PODXL2: variants seen among roughly 807,000 people sequenced by gnomAD.
The protein encoded by PODXL2 is podocalyxin-like protein 2.
PODXL2 carries 17 observed loss-of-function variants against 53.4 expected under a neutral mutation model. The observed-to-expected ratio is 0.32, with a 90% CI of 0.22 to 0.48. The LOEUF is 0.48. PODXL2 is among the 20% of genes least tolerant of loss of function. The pLI is 0.99. For synonymous variants in PODXL2, 311 were observed against 306.7 expected (o/e 1.01, Z -0.15); for missense variants, 673 against 760.0 (o/e 0.89, Z 1.35).
intron 1 of PODXL2, among the ~76,000 whole-genome samples, chr3:127,631,928 C>T (rs529006075): frequency 1.3e-5 from 2 of 152,250 alleles, no homozygotes; most frequent in African/African-American, 2.4e-5. Context: ...GTAGGGTTTT[C>T]AAAATCTTTG....
chr3:127,640,023 G>GAGGCATTCTA (rs2107704725), intron 2 of PODXL2, among the ~76,000 whole-genome samples: 1 of 152,306 alleles, frequency 6.6e-6, no homozygotes, highest in South Asian at 2.1e-4. Context: ...ACCAGCAATT[G>GAGGCATTCTA]AGGCATTCTA....
At chr3:127,636,683 C>T (rs1277805306) in intron 1 of PODXL2, among the ~76,000 whole-genome samples, 3 of 152,200 alleles carry the variant, frequency 2.0e-5, no homozygotes, top group South Asian at 2.1e-4. Flanking sequence ...GAAGACATTC[C>T]GGATGGGGTG....
chr3:127,661,755 C>T (rs1477580853), intron 3 of PODXL2, among the ~76,000 whole-genome samples: 1 of 152,012 alleles, frequency 6.6e-6, no homozygotes, highest in African/African-American at 2.4e-5. Flanking sequence ...GACTTCTGCA[C>T]TGATTCTACC....
chr3:127,647,576 G>GGGGTCCAGGAACAGGCTTCC (rs2074664174), intron 2 of PODXL2, among the ~76,000 whole-genome samples: 1 of 152,232 alleles, frequency 6.6e-6, no homozygotes, highest in Non-Finnish European at 1.5e-5. Context: ...CTGAAGAACG[G>GGGGTCCAGGAACAGGCTTCC]GGGTCCAGGA....
At position 127,660,925 on chromosome 3, in the gene PODXL2, G is replaced by C; in HGVS notation, c.897G>C (p.Gln299His). 6.2e-7 allele frequency: 1 copy of C among 1,614,256 alleles called. No homozygotes were observed. Among genetic ancestry groups the C allele is most frequent in the African/African-American group, 1.3e-5 (1 of 75,062 alleles). ...ATAGAAGLSGQHEEVPALPSF... is the reference protein window; with the variant it reads ...ATAGAAGLSGHHEEVPALPSF... ...CAGGAGCAGCTGGTTTGTCTGGCCA[G>C]CACGAGGAGGTGCCGGCCTTGCCTT... Residue 299 changes from glutamine (Q) to histidine (H), a missense_variant, in exon 3 of 8, where the codon CAG becomes CAC. Around this residue, in one of 3 missense-constraint regions of PODXL2, gnomAD observed 588 missense variants for 668.3 expected, o/e 0.88. Coordinates refer to ENST00000342480, the MANE Select transcript of PODXL2 (RefSeq NM_015720.4).
chr3:127,651,080 CA>C (rs1300762966), intron 2 of PODXL2, among the ~76,000 whole-genome samples: 1 of 152,174 alleles, frequency 6.6e-6, no homozygotes, highest in East Asian at 1.9e-4. Context: ...GCCTGACCAA[CA>C]TGGTGAAACC....
At chr3:127,631,849 T>C (rs2074548784) in intron 1 of PODXL2, among the ~76,000 whole-genome samples, 1 of 152,196 alleles carries the variant, frequency 6.6e-6, no homozygotes. Context: ...AAAATAACTT[T>C]AAGAAAATGA....
rs187294175 is a variant in PODXL2 at position 127,654,222 on chromosome 3, G to A, written c.350-6156G>A. 1.6e-4 allele frequency among the ~76,000 whole-genome samples: 25 copies of A among 152,298 alleles called. No individual in the cohort carries two copies. In the East Asian group the frequency reaches 2.5e-3, roughly 15 times the overall value. ...CTTGACATTGTTGGAGTGCAGGCCAGTTATTTTGTAGATTGCCCCTCAATT... is the reference window on the plus strand; with the variant it reads ...CTTGACATTGTTGGAGTGCAGGCCAATTATTTTGTAGATTGCCCCTCAATT... On this transcript the variant is annotated intron_variant, in intron 2 of 7. Coordinates refer to ENST00000342480, the MANE Select transcript of PODXL2 (RefSeq NM_015720.4).
intron 1 of PODXL2, among the ~76,000 whole-genome samples, chr3:127,638,745 CTA>C (rs1263125316): frequency 6.6e-6 from 1 of 152,094 alleles, no homozygotes; most frequent in African/African-American, 2.4e-5. Flanking sequence ...AAACTAAAGA[CTA>C]TGTTCAGGAT....
chr3:127,653,552 A>G (rs1285698502), intron 2 of PODXL2, among the ~76,000 whole-genome samples: 2 of 152,128 alleles, frequency 1.3e-5, no homozygotes, highest in Admixed American at 1.3e-4. Context: ...AGGCTGAGGC[A>G]GGAGAATTGC....
intron 4 of PODXL2, among the ~76,000 whole-genome samples, chr3:127,667,659 A>G (rs782430): frequency 0.81 from 122,816 of 152,244 alleles, 50,202 homozygotes; most frequent in African/African-American, 0.95. Flanking sequence ...CCAGGCTCTT[A>G]TTTTTGTTTT....
intron 4 of PODXL2, among the ~76,000 whole-genome samples, chr3:127,662,720 C>T (rs892672173): frequency 1.3e-5 from 2 of 152,128 alleles, no homozygotes; most frequent in Non-Finnish European, 2.9e-5. Context: ...CTCTCTCTAT[C>T]GAAAAAGTGG....
intron 2 of PODXL2, among the ~76,000 whole-genome samples, chr3:127,658,703 T>C (rs1263585153): frequency 1.3e-5 from 2 of 152,176 alleles, no homozygotes; most frequent in African/African-American, 2.4e-5. Context: ...CTGAGAGCTG[T>C]TAAGATTTTC....
chr3:127,672,269 C>T lies in PODXL2; in HGVS notation c.1607C>T (p.Ser536Leu). 1 of 1,543,304 alleles carries T rather than the reference C, an allele frequency of 6.5e-7. No individual in the cohort carries two copies. The change falls in exon 8 of 8, where the codon TCG (serine) becomes TTG (leucine). Residue 536 changes from serine (S) to leucine (L), a missense_variant and splice_region_variant. Transcript: ENST00000342480. ...TGGCCTCTCCCCACCCCGCCTCAGT[C>T]GCACGGCGAGGAGCTGCGCTTCGTG... ...QRRLPKLKHVSHGEELRFVEN... is the reference protein window; with the variant it reads ...QRRLPKLKHVLHGEELRFVEN...
chr3:127,630,960 G>A (rs192570975), intron 1 of PODXL2, among the ~76,000 whole-genome samples: 1 of 152,350 alleles, frequency 6.6e-6, no homozygotes, highest in Admixed American at 6.5e-5. Context: ...ATGTGCTTAT[G>A]TGACCAGCTG....
intron 7 of PODXL2, among the ~76,000 whole-genome samples, 185 bp downstream of exon 7, chr3:127,671,798 G>A (rs1332628123): frequency 6.6e-6 from 1 of 152,206 alleles, no homozygotes; most frequent in Non-Finnish European, 1.5e-5. Context: ...GGTGCCAGAG[G>A]TGCAGGGAGT....
chr3:127,662,591 C>T (rs1164344573), intron 4 of PODXL2, among the ~76,000 whole-genome samples: 3 of 152,166 alleles, frequency 2.0e-5, no homozygotes, highest in Admixed American at 6.5e-5. Context: ...ATATTGAAAC[C>T]TTTCTGTCTT....
chr3:127,651,103 A>G (rs2074686274), intron 2 of PODXL2, among the ~76,000 whole-genome samples: 1 of 152,132 alleles, frequency 6.6e-6, no homozygotes, highest in Non-Finnish European at 1.5e-5. Context: ...CATCTCTACT[A>G]AAATACGAAA....
At position 127,660,633 on chromosome 3, in the gene PODXL2, A is replaced by C. The variant is rs115568415; in HGVS notation, c.605A>C (p.Gln202Pro). 6 of 1,614,104 alleles carry C rather than the reference A, an allele frequency of 3.7e-6. No homozygotes were observed. Among genetic ancestry groups the C allele is most frequent in the Non-Finnish European group, 5.1e-6 (6 of 1,180,052 alleles). The change falls in exon 3 of 8, where the codon CAG becomes CCG. Residue 202 changes from glutamine to proline, a missense_variant. Gln to Pro is a moderately conservative substitution (Grantham distance 76). Coordinates refer to ENST00000342480, the MANE Select transcript of PODXL2 (RefSeq NM_015720.4). Reference protein sequence around the residue: ...VNGSQEEAKPQVRDFSLTSSS... With the variant: ...VNGSQEEAKPPVRDFSLTSSS... The stretch of plus-strand genomic sequence containing the variant: ...GGATCCCAAGAAGAAGCCAAGCCTC[A>C]GGTCCGTGACTTTTCTCTCACCAGC...
Sources: allele counts gnomAD v4.1 joint callset (sites outside exome capture counted in the v4.1 genomes callset), GRCh38; gene constraint gnomAD v4.1.1; regional missense constraint gnomAD v4.1.1; transcripts MANE v1.5; gene names NCBI Gene and HGNC (gene_info 2026-07-23, HGNC 2026-07-21).